ADGRL1: variants seen among roughly 807,000 people sequenced by gnomAD.
ADGRL1 encodes the protein CIRL-1.
Under a neutral mutation model 148.9 loss-of-function variants are expected in ADGRL1, and 31 were observed. The ratio of observed to expected loss-of-function variants is 0.21; its 90% CI spans 0.16 to 0.28. The LOEUF (loss-of-function observed/expected upper bound fraction) is 0.28. Among genes scored for constraint, ADGRL1 ranks in the 10% least tolerant of loss-of-function variants. The pLI is 1.00. For synonymous variants in ADGRL1, 937 were observed against 900.3 expected, an observed-to-expected ratio of 1.04 and a Z score of -0.73; for missense variants, 1,521 against 2,058.8, an observed-to-expected ratio of 0.74 and a Z score of 5.05.
At chr19:14,166,163 G>T (rs1368221837) in intron 4 of ADGRL1, among the ~76,000 whole-genome samples, 1 of 152,080 alleles carries the variant, frequency 6.6e-6, no homozygotes, top group Non-Finnish European at 1.5e-5. Flanking sequence ...CCTGACTGCA[G>T]CTTTGCAAGT....
At chr19:14,196,232 T>TCACCA (rs1972254209) in intron 1 of ADGRL1, among the ~76,000 whole-genome samples, 2 of 152,242 alleles carry the variant, frequency 1.3e-5, no homozygotes, top group African/African-American at 4.8e-5. Flanking sequence ...AGGGCGCGTG[T>TCACCA]GAGCATCTAA....
intron 1 of ADGRL1, among the ~76,000 whole-genome samples, chr19:14,188,245 T>C (rs1390459369): frequency 6.6e-6 from 1 of 152,106 alleles, no homozygotes; most frequent in Non-Finnish European, 1.5e-5. Context: ...CTGGCCCTGG[T>C]TCCCTCTGCG....
chr19:14,182,077 C>T (rs11878406), intron 2 of ADGRL1, among the ~76,000 whole-genome samples: 3 of 152,110 alleles, frequency 2.0e-5, no homozygotes, highest in Admixed American at 1.3e-4. Context: ...GGAATTCCAG[C>T]CCGGCCACTC....
chr19:14,184,668 C>T (rs1283665282), intron 1 of ADGRL1, among the ~76,000 whole-genome samples: 2 of 144,600 alleles, frequency 1.4e-5, no homozygotes, highest in African/African-American at 5.2e-5. Context: ...GAGACGGAGT[C>T]GTGCTCTGTC....
At position 14,151,440 on chromosome 19, in the gene ADGRL1, T is replaced by G; in HGVS notation, c.3843A>C (p.Ser1281=). Reference sequence around the variant, plus strand: ...CCCGCAGGTTGTTGTGCACCAGCTCTGAGATGATCATCTTCTCAAAGGCCG... The same window carrying G: ...CCCGCAGGTTGTTGTGCACCAGCTCGGAGATGATCATCTTCTCAAAGGCCG... The part of the protein sequence containing the change: ...DAAAFEKMII[S]ELVHNNLRGS... Residue 1281 remains serine (S), a synonymous_variant, in exon 23 of 23, where the codon TCA becomes TCC. Coordinates refer to ENST00000361434, the MANE Select transcript of ADGRL1 (RefSeq NM_014921.5). 1 of 1,612,946 alleles carries G rather than the reference T, an allele frequency of 6.2e-7. No individual in the cohort carries two copies. Among genetic ancestry groups the G allele is most frequent in the East Asian group, 2.2e-5 (1 of 44,870 alleles).
At chr19:14,191,202 G>A in intron 1 of ADGRL1, 2 of 456,680 alleles carry the variant, frequency 4.4e-6, no homozygotes, top group Non-Finnish European at 8.8e-6. Context: ...CCACCCTCCA[G>A]CCTCAGCCTG....
chr19:14,183,427 G>T, intron 2 of ADGRL1, 106 bp downstream of exon 2: 2 of 1,053,148 alleles, frequency 1.9e-6, no homozygotes, highest in Non-Finnish European at 1.4e-6. Flanking sequence ...CGGGGCAGGG[G>T]GCTGTAATTC....
chr19:14,158,672 C>A (rs1004651754), intron 11 of ADGRL1, 120 bp from the exon 12 acceptor site: 1 of 765,420 alleles, frequency 1.3e-6, no homozygotes, highest in Non-Finnish European at 2.1e-6. Context: ...CCACTGGGAC[C>A]TCTGAAGCCA....
chr19:14,166,855 G>T (rs1417535771), intron 4 of ADGRL1, among the ~76,000 whole-genome samples: 1 of 152,076 alleles, frequency 6.6e-6, no homozygotes, highest in African/African-American at 2.4e-5. Context: ...GCCGCACCAG[G>T]GCTGGTCCCA....
intron 16 of ADGRL1, 82 bp from the exon 17 acceptor site, chr19:14,156,283 C>A (rs117537528): frequency 0.032 from 35,783 of 1,130,252 alleles, 693 homozygotes; most frequent in Non-Finnish European, 0.038. Flanking sequence ...CCCAGCCTGG[C>A]GAAATCTCAG....
Position 14,162,789 on chromosome 19 carries a change from G to A in ADGRL1, c.1012C>T (p.Arg338Cys), listed in dbSNP as rs141788983. The A allele has an allele frequency of 1.5e-5, 25 of 1,614,192 alleles. No homozygotes were observed. The highest frequency in any genetic ancestry group is 1.2e-4 in the Admixed American group (7 of 60,032). ...TTGGTGTTGAAGGCATAGTCCACGC[G>A]GTTGCCAGCCGCCTCGCTGTCATCA... ...VDDDSEAAGNRVDYAFNTNAN... is the reference protein window; with the variant it reads ...VDDDSEAAGNCVDYAFNTNAN... Residue 338 changes from arginine (R) to cysteine (C), a missense_variant, in exon 5 of 23, where the codon CGC (arginine) becomes TGC (cysteine). Around this residue, in one of 8 missense-constraint regions of ADGRL1, gnomAD observed 334 missense variants for 512.5 expected, o/e 0.65. Coordinates refer to ENST00000361434, the MANE Select transcript of ADGRL1 (RefSeq NM_014921.5). This position sits in a 1 kb window ranked among gnomAD's most constrained non-coding sequence, Gnocchi z 5.4.
At chr19:14,200,232 G>A (rs1200005683) in intron 1 of ADGRL1, among the ~76,000 whole-genome samples, 3 of 152,360 alleles carry the variant, frequency 2.0e-5, no homozygotes, top group East Asian at 1.9e-4. Flanking sequence ...AACGGTGGCA[G>A]CTGCATCGAG....
chr19:14,187,066 G>A (rs976641151), intron 1 of ADGRL1, among the ~76,000 whole-genome samples: 3 of 152,198 alleles, frequency 2.0e-5, no homozygotes, highest in East Asian at 1.9e-4. Context: ...GGCTGGGCAC[G>A]GTGGCCCGTG....
At chr19:14,163,787 T>C (rs566676027) in intron 4 of ADGRL1, among the ~76,000 whole-genome samples, 222 of 151,846 alleles carry the variant, frequency 1.5e-3, no homozygotes, top group African/African-American at 5.1e-3. Flanking sequence ...CCAGAGGTGG[T>C]CCTGTGTGAT....
At chr19:14,200,058 A>T (rs1297618371) in intron 1 of ADGRL1, among the ~76,000 whole-genome samples, 1 of 152,218 alleles carries the variant, frequency 6.6e-6, no homozygotes, top group Non-Finnish European at 1.5e-5. Context: ...CAGGATGATC[A>T]GGAAAGGCCA....
chr19:14,204,746 C>CAG (rs3837936), intron 1 of ADGRL1, among the ~76,000 whole-genome samples: 2,570 of 143,724 alleles, frequency 0.018, 45 homozygotes, highest in African/African-American at 0.048. Flanking sequence ...GAGAGACAGA[C>CAG]AGAGAGAGAG....
chr19:14,154,218 G>A (rs1029052912), intron 18 of ADGRL1, among the ~76,000 whole-genome samples: 35 of 152,098 alleles, frequency 2.3e-4, no homozygotes, highest in African/African-American at 8.2e-4. Context: ...ATGTTGGACA[G>A]AGCAGGGACA....
rs769794775 is a variant in ADGRL1 at position 14,177,686 on chromosome 19, G to A, written c.129C>T (p.Gly43=). The A allele has an allele frequency of 7.4e-6, 12 of 1,614,094 alleles. No homozygotes were observed. The highest frequency in any genetic ancestry group is 9.3e-6 in the Non-Finnish European group (11 of 1,180,044). ...CGGGGCACCGCAGCTCGATGGGGTA[G>A]CCTTCACACGCCAGCTCCCGGCGCA... ...GLMRRELACE[G]YPIELRCPGS... The change falls in exon 3 of 23, where the codon GGC becomes GGT. Residue 43 remains glycine, a synonymous_variant. Coordinates refer to ENST00000361434, the MANE Select transcript of ADGRL1 (RefSeq NM_014921.5).
chr19:14,188,893 C>T (rs963206986), intron 1 of ADGRL1, among the ~76,000 whole-genome samples: 1 of 152,114 alleles, frequency 6.6e-6, no homozygotes, highest in Admixed American at 6.5e-5. Flanking sequence ...CCTGCCTCAG[C>T]CTCCTGAGTA....
Sources: gnomAD v4.1 joint callset for allele counts (sites outside exome capture counted in the v4.1 genomes callset) on GRCh38, gnomAD v4.1.1 for gene constraint, gnomAD v4.1.1 regional missense constraint, Gnocchi (gnomAD v3.1) non-coding constraint, MANE v1.5 for transcripts, NCBI Gene and HGNC (gene_info 2026-07-23, HGNC 2026-07-21) for gene names.